NRXN1: variants seen among roughly 807,000 people sequenced by gnomAD.
NRXN1 encodes the protein neurexin 1.
Under a neutral mutation model 150.9 loss-of-function variants are expected in NRXN1, and 39 were observed. The observed-to-expected ratio is 0.26, with a 90% CI of 0.20 to 0.34. The LOEUF (loss-of-function observed/expected upper bound fraction) is 0.34, where lower values mean the gene tolerates loss of function less well. NRXN1 is among the 10% of genes least tolerant of loss of function. The pLI is 1.00. For synonymous variants in NRXN1, 924 were observed against 757.0 expected (o/e 1.22, Z -3.62); for missense variants, 1,815 against 1,949.9 (o/e 0.93, Z 1.30).
intron 17 of NRXN1, among the ~76,000 whole-genome samples, chr2:50,433,817 T>G (rs973867961): frequency 3.9e-5 from 6 of 152,012 alleles, no homozygotes; most frequent in Non-Finnish European, 7.4e-5. Context: ...ATAAATAGGT[T>G]GCAGAGGTCA....
Position 50,987,841 on chromosome 2 carries a change from T to C in NRXN1, c.772+39661A>G, listed in dbSNP as rs7588617. ...GAGACCACTAACCCCCATTGGTCCCTGTCCAGTTTGTAGCAGCTGCAGAAA... is the reference window on the plus strand; with the variant it reads ...GAGACCACTAACCCCCATTGGTCCCCGTCCAGTTTGTAGCAGCTGCAGAAA... On this transcript the variant is annotated intron_variant, in intron 2 of 22. Transcript: ENST00000401669. 7.1e-3 allele frequency among the ~76,000 whole-genome samples: 1,076 copies of C among 152,072 alleles called. 12 individuals are homozygous for C. Among genetic ancestry groups the C allele is most frequent in the African/African-American group, 0.023 (950 of 41,544 alleles).
At chr2:50,853,975 T>C (rs1484178766) in intron 5 of NRXN1, among the ~76,000 whole-genome samples, 7 of 152,072 alleles carry the variant, frequency 4.6e-5, no homozygotes, top group Non-Finnish European at 8.8e-5. Flanking sequence ...CCCAAAATAA[T>C]GCTTTTAATG....
intron 12 of NRXN1, among the ~76,000 whole-genome samples, chr2:50,507,636 C>CAAAAAAA (rs71404959): frequency 7.4e-5 from 8 of 107,458 alleles, no homozygotes; most frequent in Non-Finnish European, 1.1e-4. Context: ...TCCGTCACCT[C>CAAAAAAA]AAAAAAAAAA....
At chr2:50,485,994 T>A (rs2090843643) in intron 15 of NRXN1, among the ~76,000 whole-genome samples, 1 of 152,224 alleles carries the variant, frequency 6.6e-6, no homozygotes, top group Non-Finnish European at 1.5e-5. Flanking sequence ...ATTGGTGGTT[T>A]GTAATTTTAA....
intron 17 of NRXN1, among the ~76,000 whole-genome samples, chr2:50,391,154 C>A (rs2081662822): frequency 6.6e-6 from 1 of 151,618 alleles, no homozygotes; most frequent in South Asian, 2.1e-4. Flanking sequence ...TGAGGCAGGG[C>A]AGATGAAAAT....
chr2:50,978,821 C>T (rs963125220), intron 2 of NRXN1, among the ~76,000 whole-genome samples: 2 of 152,014 alleles, frequency 1.3e-5, no homozygotes, highest in African/African-American at 4.8e-5. Flanking sequence ...TGACTTTCAT[C>T]CCCGGATGCT....
intron 21 of NRXN1, among the ~76,000 whole-genome samples, chr2:50,052,475 T>A (rs1016438912): frequency 1.3e-5 from 2 of 152,162 alleles, no homozygotes; most frequent in Admixed American, 6.5e-5. Context: ...AGGTTTTTTT[T>A]TCCCTGTGTT....
chr2:51,027,676 C>A lies in NRXN1; in HGVS notation c.598G>T (p.Gly200Cys). Residue 200 changes from glycine to cysteine, a missense_variant, in exon 2 of 23, where the codon GGC (glycine) becomes TGC (cysteine). Transcript: ENST00000401669. ...NSSQVLPVDS[G>C]EVKLDDEPPN... ...GGCTCATCGTCCAGCTTCACCTCGC[C>A]GCTGTCCACGGGCAGGACCTGCGAG... 6.9e-6 allele frequency: 11 copies of A among 1,603,420 alleles called. No individual in the cohort carries two copies. The highest frequency in any genetic ancestry group is 9.4e-6 in the Non-Finnish European group (11 of 1,174,996).
chr2:50,499,762 A>C (rs1166829912), intron 13 of NRXN1, among the ~76,000 whole-genome samples: 1 of 151,976 alleles, frequency 6.6e-6, no homozygotes, highest in Non-Finnish European at 1.5e-5. Flanking sequence ...AGCCTGGCCA[A>C]CATGGTGAAA....
chr2:50,440,216 T>C (rs1265756622), intron 17 of NRXN1, among the ~76,000 whole-genome samples: 1 of 151,996 alleles, frequency 6.6e-6, no homozygotes, highest in Admixed American at 6.6e-5. Flanking sequence ...ATAGGCTGAT[T>C]AGAAAGGGGG....
intron 18 of NRXN1, among the ~76,000 whole-genome samples, chr2:50,124,163 T>C (rs991207256): frequency 6.6e-6 from 1 of 152,020 alleles, no homozygotes; most frequent in African/African-American, 2.4e-5. Flanking sequence ...AGTGAACAAG[T>C]GTTTTGCTGA....
chr2:50,686,368 C>G (rs1691236631), intron 5 of NRXN1, among the ~76,000 whole-genome samples: 1 of 152,190 alleles, frequency 6.6e-6, no homozygotes, highest in Non-Finnish European at 1.5e-5. Context: ...GCAAATTCCT[C>G]TCACACTCCT....
At chr2:50,136,245 C>T (rs539087499) in intron 18 of NRXN1, among the ~76,000 whole-genome samples, 27 of 152,032 alleles carry the variant, frequency 1.8e-4, no homozygotes, top group African/African-American at 6.5e-4. Flanking sequence ...GCCTGACTTA[C>T]GCCAAGAGAA....
intron 2 of NRXN1, among the ~76,000 whole-genome samples, chr2:51,025,930 G>C (rs1418160298): frequency 6.6e-6 from 1 of 152,112 alleles, no homozygotes; most frequent in Non-Finnish European, 1.5e-5. Context: ...CATGAAGACA[G>C]AGCGCAACAA....
chr2:50,005,602 C>A (rs575879267), intron 21 of NRXN1, among the ~76,000 whole-genome samples: 1 of 152,250 alleles, frequency 6.6e-6, no homozygotes, highest in South Asian at 2.1e-4. Flanking sequence ...CTCATTACTA[C>A]TAAAAACAAA....
intron 18 of NRXN1, among the ~76,000 whole-genome samples, chr2:50,146,012 G>C (rs1707959474): frequency 6.6e-6 from 1 of 151,530 alleles, no homozygotes; most frequent in Non-Finnish European, 1.5e-5. Flanking sequence ...ACAGTTTTTG[G>C]GAAATTGGAA....
chr2:50,673,166 T>C (rs1689090075), intron 5 of NRXN1, among the ~76,000 whole-genome samples: 1 of 152,080 alleles, frequency 6.6e-6, no homozygotes, highest in African/African-American at 2.4e-5. Context: ...TTTGCTTATT[T>C]ATCTCTAAGG....
chr2:50,510,226 G>C (rs1318114873), intron 12 of NRXN1, among the ~76,000 whole-genome samples: 2 of 152,016 alleles, frequency 1.3e-5, no homozygotes, highest in Non-Finnish European at 2.9e-5. Context: ...GGTGGCTCTC[G>C]TCTGTAATCC....
intron 5 of NRXN1, among the ~76,000 whole-genome samples, chr2:50,889,236 G>T (rs955148718): frequency 1.3e-5 from 2 of 151,676 alleles, no homozygotes; most frequent in Non-Finnish European, 3.0e-5. Flanking sequence ...TATCAAATGT[G>T]CCCTCTTTCT....
Sources: allele counts gnomAD v4.1 joint callset (sites outside exome capture counted in the v4.1 genomes callset), GRCh38; gene constraint gnomAD v4.1.1; transcripts MANE v1.5; gene names NCBI Gene and HGNC (gene_info 2026-07-23, HGNC 2026-07-21).